MTMR7: variants seen among roughly 807,000 people sequenced by gnomAD.
MTMR7 encodes the protein phosphatidylinositol-3-phosphate phosphatase MTMR7.
A neutral mutation model predicts 81.2 loss-of-function variants in MTMR7; 76 were observed. That is an observed-to-expected ratio of 0.94 (90% CI 0.78 to 1.13). The LOEUF is 1.13. Among genes scored for constraint, MTMR7 ranks in the 50% most tolerant of loss-of-function variants. The pLI, the probability that MTMR7 is intolerant of heterozygous loss-of-function variation, is 0.00. For missense variants in MTMR7, 1,044 were observed against 820.0 expected (o/e 1.27, Z -3.34); for synonymous variants, 372 against 289.8 (o/e 1.28, Z -2.88).
At chr8:17,351,437 C>G (rs997474213) in intron 4 of MTMR7, among the ~76,000 whole-genome samples, 3 of 152,214 alleles carry the variant, frequency 2.0e-5, no homozygotes, top group Non-Finnish European at 4.4e-5. Context: ...GAGGCCCACT[C>G]TCCTTGGCCC....
chr8:17,303,012 A>T (rs1817229484), intron 12 of MTMR7, among the ~76,000 whole-genome samples: 1 of 152,028 alleles, frequency 6.6e-6, no homozygotes, highest in Admixed American at 6.6e-5. Context: ...CGCCTGACCA[A>T]TAAATCCCTT....
At chr8:17,339,956 G>GT (rs1305970946) in intron 6 of MTMR7, among the ~76,000 whole-genome samples, 3 of 152,096 alleles carry the variant, frequency 2.0e-5, no homozygotes, top group African/African-American at 7.2e-5. Context: ...TCAATTTTTT[G>GT]TTTTTTGTTT....
chr8:17,383,100 C>T lies in MTMR7; in HGVS notation c.25-9860G>A, dbSNP rs563700040. On this transcript the variant is annotated intron_variant, in intron 1 of 13. Transcript: ENST00000180173. ...CCACCACCTGGGGGGTGTGGAAGGTCCCAGGGAAGGGAGCCGCTCTTAGAT... is the reference window on the plus strand; with the variant it reads ...CCACCACCTGGGGGGTGTGGAAGGTTCCAGGGAAGGGAGCCGCTCTTAGAT... Among the ~76,000 whole-genome samples the T allele has an allele frequency of 4.6e-4, 70 of 151,794 alleles. No homozygotes were observed. In the East Asian group the frequency reaches 0.013, roughly 27 times the overall value.
At chr8:17,358,044 A>C (rs994330357) in intron 4 of MTMR7, among the ~76,000 whole-genome samples, 11 of 152,190 alleles carry the variant, frequency 7.2e-5, no homozygotes, top group African/African-American at 2.7e-4. Context: ...ATCCAGTCAT[A>C]GACATGAAAA....
intron 5 of MTMR7, among the ~76,000 whole-genome samples, chr8:17,346,884 TAAAAA>T (rs55910829): frequency 1.5e-5 from 1 of 65,040 alleles, no homozygotes; most frequent in East Asian, 6.9e-4. Flanking sequence ...CCTATCTTAA[TAAAAA>T]AAAAAAAAAA....
At chr8:17,402,730 CAG>C (rs1057042263) in intron 1 of MTMR7, among the ~76,000 whole-genome samples, 4 of 152,168 alleles carry the variant, frequency 2.6e-5, no homozygotes, top group African/African-American at 9.7e-5. Flanking sequence ...CATGGGAGCA[CAG>C]GTATCTCTTG....
intron 8 of MTMR7, 138 bp from the exon 9 acceptor site, chr8:17,311,774 G>C: frequency 7.3e-7 from 1 of 1,363,986 alleles, no homozygotes; most frequent in Non-Finnish European, 1.0e-6. Context: ...TCTGTTTAGG[G>C]CCCCCCCTAA....
At chr8:17,345,576 G>C (rs536351753) in intron 5 of MTMR7, among the ~76,000 whole-genome samples, 6 of 152,348 alleles carry the variant, frequency 3.9e-5, no homozygotes, top group Non-Finnish European at 7.3e-5. Flanking sequence ...CTGTAACCTA[G>C]AGCAGGAATC....
At chr8:17,355,119 C>T (rs1174873473) in intron 4 of MTMR7, among the ~76,000 whole-genome samples, 1 of 152,092 alleles carries the variant, frequency 6.6e-6, no homozygotes, top group African/African-American at 2.4e-5. Context: ...AACAGAAGAA[C>T]CTGTATTTCC....
chr8:17,311,711 T>A (rs1817791108), intron 8 of MTMR7, 75 bp from the exon 9 acceptor site: 1 of 1,599,984 alleles, frequency 6.3e-7, no homozygotes, highest in Admixed American at 1.7e-5. Flanking sequence ...ACAGCCAGGT[T>A]TGACTGTATA....
intron 3 of MTMR7, among the ~76,000 whole-genome samples, chr8:17,367,150 A>G (rs1432646936): frequency 6.6e-6 from 1 of 152,172 alleles, no homozygotes; most frequent in African/African-American, 2.4e-5. Context: ...ATAAAAAGTT[A>G]CCAATAAAGC....
chr8:17,359,003 C>T (rs1819981092), intron 4 of MTMR7, among the ~76,000 whole-genome samples: 1 of 152,144 alleles, frequency 6.6e-6, no homozygotes, highest in African/African-American at 2.4e-5. Flanking sequence ...AAGCAATCCT[C>T]CAGCCTCGAC....
intron 1 of MTMR7, among the ~76,000 whole-genome samples, chr8:17,396,954 T>C (rs1028130681): frequency 6.6e-6 from 1 of 151,856 alleles, no homozygotes; most frequent in East Asian, 1.9e-4. Flanking sequence ...CCAGATGACA[T>C]TTCTAGACAC....
At chr8:17,352,730 G>A (rs1484965445) in intron 4 of MTMR7, among the ~76,000 whole-genome samples, 1 of 152,148 alleles carries the variant, frequency 6.6e-6, no homozygotes, top group Non-Finnish European at 1.5e-5. Context: ...AAACCACAAT[G>A]AGATGCTAAC....
rs1817410213 is a variant in MTMR7, at chr8:17,305,787, C to A, written c.1322G>T (p.Cys441Phe). Residue 441 changes from cysteine to phenylalanine, a missense_variant, in exon 11 of 14, where the codon TGT becomes TTT. Physicochemically the swap from Cys to Phe is radical, Grantham distance 205. Transcript: ENST00000180173. ...IYSCQFGNFL[C>F]NSQKERRELK... Reference sequence around the variant, plus strand: ...TTCTCGTCTCTCCTTTTGGCTGTTACATAGGAAGTTTCCAAACTGGCAGGA... The same window carrying A: ...TTCTCGTCTCTCCTTTTGGCTGTTAAATAGGAAGTTTCCAAACTGGCAGGA... 1 of 1,613,368 alleles carries A rather than the reference C, an allele frequency of 6.2e-7. No homozygotes were observed.
chr8:17,399,111 T>G (rs1464411809), intron 1 of MTMR7, among the ~76,000 whole-genome samples: 1 of 151,698 alleles, frequency 6.6e-6, no homozygotes, highest in East Asian at 1.9e-4. Flanking sequence ...TTCAACATAG[T>G]ACTAGAAGTC....
chr8:17,395,072 C>T (rs1001761994), intron 1 of MTMR7, among the ~76,000 whole-genome samples: 2 of 152,136 alleles, frequency 1.3e-5, no homozygotes, highest in African/African-American at 4.8e-5. Context: ...TAAGCAAAAA[C>T]CCTTATTTTC....
At chr8:17,333,743 G>A (rs904791455) in intron 6 of MTMR7, among the ~76,000 whole-genome samples, 4 of 152,086 alleles carry the variant, frequency 2.6e-5, no homozygotes, top group Non-Finnish European at 4.4e-5. Flanking sequence ...CACCTACTTG[G>A]GAGGCAGAGG....
At chr8:17,337,963 C>A (rs1478410966) in intron 6 of MTMR7, among the ~76,000 whole-genome samples, 1 of 152,296 alleles carries the variant, frequency 6.6e-6, no homozygotes, top group East Asian at 1.9e-4. Flanking sequence ...AATCCTTTTT[C>A]TTTTTAATGA....
Sources: gnomAD v4.1 joint callset for allele counts (sites outside exome capture counted in the v4.1 genomes callset) on GRCh38, gnomAD v4.1.1 for gene constraint, MANE v1.5 for transcripts, NCBI Gene and HGNC (gene_info 2026-07-23, HGNC 2026-07-21) for gene names.